The following SLC1A2 variants were observed in gnomAD, a reference collection of about 807,000 sequenced individuals.
SLC1A2 encodes the protein solute carrier family 1 member 2.
SLC1A2 carries 15 observed loss-of-function variants against 48.8 expected under a neutral mutation model. The ratio of observed to expected loss-of-function variants is 0.31; its 90% CI spans 0.21 to 0.47. The LOEUF (loss-of-function observed/expected upper bound fraction) is 0.47, where lower values mean the gene tolerates loss of function less well. Ranked by LOEUF, SLC1A2 falls within the 20% of genes least tolerant of loss-of-function variation. SLC1A2 has a pLI of 0.99. For missense variants in SLC1A2, 502 were observed against 730.5 expected, an observed-to-expected ratio of 0.69 and a Z score of 3.61; for synonymous variants, 279 against 272.6, an observed-to-expected ratio of 1.02 and a Z score of -0.23.
chr11:35,338,789 C>T (rs114903358), intron 1 of SLC1A2, among the ~76,000 whole-genome samples: 1 of 152,114 alleles, frequency 6.6e-6, no homozygotes, highest in African/African-American at 2.4e-5. Context: ...GTAGGCTTCC[C>T]TCACTTGCAA....
intron 6 of SLC1A2, among the ~76,000 whole-genome samples, chr11:35,301,284 C>T (rs764639694): frequency 1.3e-5 from 2 of 152,170 alleles, no homozygotes; most frequent in African/African-American, 4.8e-5. Context: ...ATTCTCAACT[C>T]GCTGGCCATA....
intron 1 of SLC1A2, among the ~76,000 whole-genome samples, chr11:35,339,523 C>T (rs1384398619): frequency 6.6e-6 from 1 of 152,178 alleles, no homozygotes; most frequent in Non-Finnish European, 1.5e-5. Context: ...AGGACCTTAT[C>T]ATGAGGACTG....
At chr11:35,393,490 GACCCATAGC>G (rs1292581886) in intron 1 of SLC1A2, among the ~76,000 whole-genome samples, 1 of 152,102 alleles carries the variant, frequency 6.6e-6, no homozygotes, top group Non-Finnish European at 1.5e-5. Context: ...GGCTGCAGGT[GACCCATAGC>G]ACCCATATCC....
intron 1 of SLC1A2, among the ~76,000 whole-genome samples, chr11:35,414,619 G>A (rs1464149529): frequency 1.3e-5 from 2 of 152,182 alleles, no homozygotes; most frequent in Non-Finnish European, 2.9e-5. Flanking sequence ...CCCTTTCTAT[G>A]AAGCATCCTG....
intron 9 of SLC1A2, among the ~76,000 whole-genome samples, chr11:35,279,791 T>C (rs1486579816): frequency 6.6e-6 from 1 of 152,232 alleles, no homozygotes; most frequent in African/African-American, 2.4e-5. Flanking sequence ...CTTTCAAGGT[T>C]GTTAAAGAGG....
intron 7 of SLC1A2, among the ~76,000 whole-genome samples, chr11:35,289,899 G>A (rs1169165286): frequency 1.3e-5 from 2 of 152,134 alleles, no homozygotes; most frequent in Non-Finnish European, 2.9e-5. Context: ...CAAAAAGAGA[G>A]CTTGAAAATC....
chr11:35,411,760 C>T (rs1855468999), intron 1 of SLC1A2, among the ~76,000 whole-genome samples: 1 of 152,156 alleles, frequency 6.6e-6, no homozygotes, highest in Non-Finnish European at 1.5e-5. Flanking sequence ...ACTACTTCTT[C>T]CATTTGAAAT....
rs1950472334 is a variant in SLC1A2 at position 35,265,778 on chromosome 11, A to C, written c.1422-20T>G. On this transcript the variant is annotated intron_variant, in intron 9 of 10. Transcript: ENST00000278379. ...CTGTCCCTGGGGACAAAGAACAGAA[A>C]AGGTTCAGTGAGGAAGCAGTATTAT... is the stretch of plus-strand genomic sequence containing the variant. 6.6e-7 allele frequency: 1 copy of C among 1,517,816 alleles called. No homozygotes were observed. The highest frequency in any genetic ancestry group is 1.4e-5 in the African/African-American group (1 of 72,886). The allele number at this position is 1,517,816 out of a possible 1,614,324, so 94.0% of individuals were successfully genotyped here.
At chr11:35,261,923 A>C (rs569543100) in intron 10 of SLC1A2, 18 of 391,926 alleles carry the variant, frequency 4.6e-5, no homozygotes, top group Non-Finnish European at 7.6e-5. Context: ...AAAACCATTT[A>C]TCCAATCCCC....
At chr11:35,334,016 T>C (rs971914599) in intron 1 of SLC1A2, among the ~76,000 whole-genome samples, 1 of 152,088 alleles carries the variant, frequency 6.6e-6, no homozygotes, top group Non-Finnish European at 1.5e-5. Context: ...TTTGTTTCAG[T>C]ATTATTATTG....
At chr11:35,355,934 AG>A (rs1853444751) in intron 1 of SLC1A2, among the ~76,000 whole-genome samples, 1 of 152,076 alleles carries the variant, frequency 6.6e-6, no homozygotes, top group Non-Finnish European at 1.5e-5. Flanking sequence ...TCCTTGAACA[AG>A]TTAGGTAACT....
At chr11:35,402,202 T>C (rs1412372253) in intron 1 of SLC1A2, among the ~76,000 whole-genome samples, 1 of 152,122 alleles carries the variant, frequency 6.6e-6, no homozygotes, top group Non-Finnish European at 1.5e-5. Context: ...CCTAGATAGC[T>C]TCAGGATGGG....
chr11:35,328,292 AC>A (rs1852312484), intron 1 of SLC1A2, among the ~76,000 whole-genome samples: 1 of 152,046 alleles, frequency 6.6e-6, no homozygotes, highest in South Asian at 2.1e-4. Flanking sequence ...ACCGGGAAGG[AC>A]TCCCCCATCA....
chr11:35,382,491 A>G lies in SLC1A2; in HGVS notation c.17+36459T>C, dbSNP rs567162456. ...CATGATATTTCCAAAAGGACAAAGC[A>G]TAAGTTTTAACATTCCTCCTAAGGC... On this transcript the variant is annotated intron_variant, in intron 1 of 10. Coordinates refer to ENST00000278379, the MANE Select transcript of SLC1A2 (RefSeq NM_004171.4). 1.1e-4 allele frequency among the ~76,000 whole-genome samples: 16 copies of G among 152,354 alleles called. No homozygotes were observed. The East Asian group carries it at 3.1e-3, about 29-fold the overall frequency.
At chr11:35,405,776 C>A (rs1416105511) in intron 1 of SLC1A2, among the ~76,000 whole-genome samples, 1 of 152,174 alleles carries the variant, frequency 6.6e-6, no homozygotes, top group Non-Finnish European at 1.5e-5. Context: ...CCTCCTTGAA[C>A]CCTATTAACC....
At chr11:35,325,580 T>C (rs911919305) in intron 1 of SLC1A2, among the ~76,000 whole-genome samples, 1 of 152,184 alleles carries the variant, frequency 6.6e-6, no homozygotes, top group South Asian at 2.1e-4. Context: ...TAAGAGGTAG[T>C]GGTCCAGAAG....
chr11:35,254,579 G>T lies in SLC1A2; in HGVS notation c.*6315C>A. On this transcript the variant is annotated 3_prime_UTR_variant, in exon 11 of 11. Transcript: ENST00000278379. ...GCAGGCAAAATGGTTGCCATGAGAA[G>T]AAACAGTGCCCCAGAAGGAGTGAGG... 1 of 305,122 alleles carries T rather than the reference G, an allele frequency of 3.3e-6. No individual in the cohort carries two copies. The highest frequency in any genetic ancestry group is 2.7e-5 in the South Asian group (1 of 36,628). The allele number at this position is 305,122 out of a possible 1,614,324, so 18.9% of individuals were successfully genotyped here. A position where few individuals can be genotyped will look rare whatever the true frequency, so the allele number is the denominator to read the frequency against.
intron 1 of SLC1A2, among the ~76,000 whole-genome samples, chr11:35,410,302 G>C (rs1169996396): frequency 1.3e-5 from 2 of 152,070 alleles, no homozygotes; most frequent in African/African-American, 2.4e-5. Context: ...AAAATCTACT[G>C]TTCTCCCAAT....
In SLC1A2 at chr11:35,399,982, A is replaced by G. The variant is rs867869126; in HGVS notation, c.17+18968T>C. On this transcript the variant is annotated intron_variant, in intron 1 of 10. Coordinates refer to ENST00000278379, the MANE Select transcript of SLC1A2 (RefSeq NM_004171.4). ...ACCTGGCTGAAGATTTTGCCATGTA[A>G]TGAGGAATTCAAAGTCAACCCCAGA... 3.9e-5 allele frequency among the ~76,000 whole-genome samples: 6 copies of G among 152,324 alleles called. No individual in the cohort carries two copies. In the Middle Eastern group the frequency reaches 0.01, roughly 259 times the overall value.
Sources: allele counts gnomAD v4.1 joint callset (sites outside exome capture counted in the v4.1 genomes callset), GRCh38; gene constraint gnomAD v4.1.1; transcripts MANE v1.5; gene names NCBI Gene and HGNC (gene_info 2026-07-23, HGNC 2026-07-21).